The following ANO10 variants were observed in gnomAD, a reference collection of about 807,000 sequenced individuals.
The protein encoded by ANO10 is anoctamin-10.
A neutral mutation model predicts 74.7 loss-of-function variants in ANO10; 77 were observed. The ratio of observed to expected loss-of-function variants is 1.03; its 90% CI spans 0.86 to 1.25. The LOEUF is 1.25. ANO10 is among the 50% of genes most tolerant of loss of function. The probability of loss-of-function intolerance (pLI) is 0.00; values close to 1 mark genes in which losing one functional copy is unlikely to be tolerated. For synonymous variants in ANO10, 279 were observed against 284.9 expected (o/e 0.98, Z 0.21); for missense variants, 721 against 778.1 (o/e 0.93, Z 0.87).
intron 11 of ANO10, among the ~76,000 whole-genome samples, chr3:43,537,391 T>A (rs191990320): frequency 6.6e-6 from 1 of 152,322 alleles, no homozygotes; most frequent in Admixed American, 6.5e-5. Flanking sequence ...ACAGGCTTAA[T>A]TATTAGCACA....
intron 11 of ANO10, among the ~76,000 whole-genome samples, chr3:43,508,864 A>G (rs1217286615): frequency 4.6e-5 from 7 of 151,490 alleles, no homozygotes; most frequent in Non-Finnish European, 1.0e-4. Context: ...TAATGGGTGT[A>G]GCACACCAAC....
upstream of ANO10, among the ~76,000 whole-genome samples, chr3:43,626,079 A>G (rs2083488391): frequency 6.6e-6 from 1 of 151,954 alleles, no homozygotes; most frequent in South Asian, 2.1e-4. Context: ...GACTACAGGC[A>G]TAAGCCACCA....
rs529728049 is a variant in ANO10 at position 43,561,310 on chromosome 3, C to T, written c.1386G>A (p.Arg462=). 36 of 1,614,122 alleles carry T rather than the reference C, an allele frequency of 2.2e-5. No individual in the cohort carries two copies. The highest frequency in any genetic ancestry group is 3.1e-5 in the Non-Finnish European group (36 of 1,180,008). ...PYWLQRKHGV[R]VKRKVQALKA... is the part of the protein sequence containing the mutation. ...TTAAAGCCTGCACCTTCCTCTTCACCCGCACACCATGCTTCCTTTGGAGCC... is the reference window on the plus strand; with the variant it reads ...TTAAAGCCTGCACCTTCCTCTTCACTCGCACACCATGCTTCCTTTGGAGCC... Residue 462 remains arginine (R), a synonymous_variant, in exon 9 of 13, where the codon CGG becomes CGA. Transcript: ENST00000292246.
At chr3:43,434,635 T>C (rs2093039623) in intron 11 of ANO10, among the ~76,000 whole-genome samples, 1 of 152,160 alleles carries the variant, frequency 6.6e-6, no homozygotes. Context: ...CTCAGAGCCT[T>C]GGCAGGAATG....
chr3:43,481,927 C>CTTTTTTTT (rs1161910647), intron 11 of ANO10, among the ~76,000 whole-genome samples: 7 of 123,878 alleles, frequency 5.7e-5, no homozygotes, highest in Non-Finnish European at 1.2e-4. Flanking sequence ...CTTTTTTTTT[C>CTTTTTTTT]TTTTTTTTTT....
chr3:43,644,986 A>C (rs1439208876), intron 1 of ANO10, among the ~76,000 whole-genome samples: 1 of 152,214 alleles, frequency 6.6e-6, no homozygotes, highest in Non-Finnish European at 1.5e-5. Flanking sequence ...TACCAACGAC[A>C]TCACAAATAC....
chr3:43,458,525 G>A (rs1029311942), intron 11 of ANO10, among the ~76,000 whole-genome samples: 1 of 151,938 alleles, frequency 6.6e-6, no homozygotes, highest in Admixed American at 6.6e-5. Context: ...TTTCTACATA[G>A]GAAATATTTC....
chr3:43,691,400 G>C (rs1442487129), intron 1 of ANO10: 1 of 184,476 alleles, frequency 5.4e-6, no homozygotes, highest in Non-Finnish European at 1.1e-5. Flanking sequence ...CAAGGGACCC[G>C]GCCTGCCCCA....
chr3:43,688,776 G>A (rs891951476), intron 1 of ANO10, among the ~76,000 whole-genome samples: 2 of 151,744 alleles, frequency 1.3e-5, no homozygotes, highest in South Asian at 4.2e-4. Flanking sequence ...CCTGGGAGGT[G>A]CAGGTCATAG....
At chr3:43,555,521 C>A in intron 9 of ANO10, 52 bp from the exon 10 acceptor site, 2 of 1,563,810 alleles carry the variant, frequency 1.3e-6, no homozygotes, top group Non-Finnish European at 8.8e-7. Context: ...ATAGGAATAT[C>A]CTTTTGCAAT....
At chr3:43,456,305 C>T (rs1285408596) in intron 11 of ANO10, among the ~76,000 whole-genome samples, 1 of 152,160 alleles carries the variant, frequency 6.6e-6, no homozygotes, top group East Asian at 1.9e-4. Flanking sequence ...TCCAGAAGTC[C>T]TATATTATAC....
chr3:43,457,738 C>G (rs1215988971), intron 11 of ANO10, among the ~76,000 whole-genome samples: 3 of 152,208 alleles, frequency 2.0e-5, no homozygotes, highest in Non-Finnish European at 4.4e-5. Context: ...CTTGCCATCT[C>G]TAAACTACAA....
In ANO10 at chr3:43,475,580, T is replaced by TG. The variant is rs533373166; in HGVS notation, c.1798-42854dup. 7.0e-4 allele frequency among the ~76,000 whole-genome samples: 106 copies of TG among 151,436 alleles called. 1 individual carries two copies. The highest frequency in any genetic ancestry group is 3.7e-3 in the East Asian group (19 of 5,144). ...GCAAAAAATGCCTATCACAAATTTG[T>TG]GGGGGGGGTTCTTTGTTTTTGTTTT... On this transcript the variant is annotated intron_variant, in intron 11 of 12. Coordinates refer to ENST00000292246, the MANE Select transcript of ANO10 (RefSeq NM_018075.5).
intron 11 of ANO10, among the ~76,000 whole-genome samples, chr3:43,525,926 G>C (rs1236047431): frequency 6.6e-6 from 1 of 152,188 alleles, no homozygotes; most frequent in East Asian, 1.9e-4. Flanking sequence ...CCACTGTAGT[G>C]TACCAACAAC....
intron 10 of ANO10, among the ~76,000 whole-genome samples, chr3:43,552,724 ATATATG>A (rs759528741): frequency 0.055 from 5,630 of 101,788 alleles, 86 homozygotes; most frequent in East Asian, 0.083. Context: ...ATATATATAT[ATATATG>A]TATGTATGTA....
intron 1 of ANO10, among the ~76,000 whole-genome samples, chr3:43,678,520 G>A (rs1447246471): frequency 1.3e-5 from 2 of 152,140 alleles, no homozygotes; most frequent in African/African-American, 4.8e-5. Context: ...AACCCATCCT[G>A]TCCTGTTCCA....
At chr3:43,412,543 T>C (rs1172356782) in intron 12 of ANO10, among the ~76,000 whole-genome samples, 1 of 152,188 alleles carries the variant, frequency 6.6e-6, no homozygotes, top group Non-Finnish European at 1.5e-5. Flanking sequence ...GAGTGCGCCC[T>C]GGCACTTCCG....
intron 12 of ANO10, among the ~76,000 whole-genome samples, chr3:43,371,000 C>T (rs910751601): frequency 6.6e-6 from 1 of 152,136 alleles, no homozygotes; most frequent in Non-Finnish European, 1.5e-5. Context: ...CCTCAAATGG[C>T]CCCTTCTCCC....
intron 1 of ANO10, among the ~76,000 whole-genome samples, chr3:43,614,284 T>C (rs947723929): frequency 6.6e-6 from 1 of 152,194 alleles, no homozygotes; most frequent in Non-Finnish European, 1.5e-5. Flanking sequence ...GAGCACTATC[T>C]ACAAACTCAT....
Sources: gnomAD v4.1 joint callset for allele counts (sites outside exome capture counted in the v4.1 genomes callset) on GRCh38, gnomAD v4.1.1 for gene constraint, MANE v1.5 for transcripts, NCBI Gene and HGNC (gene_info 2026-07-23, HGNC 2026-07-21) for gene names.